CDH18: variants seen among roughly 807,000 people sequenced by gnomAD.
CDH18 encodes the protein cadherin-18.
A neutral mutation model predicts 67.9 loss-of-function variants in CDH18; 31 were observed. That is an observed-to-expected ratio of 0.46 (90% confidence interval 0.34 to 0.62). The LOEUF is 0.62. CDH18 is among the 20% of genes least tolerant of loss of function. CDH18 has a pLI of 0.01. For missense variants in CDH18, 890 were observed against 975.5 expected (o/e 0.91, Z 1.17); for synonymous variants, 362 against 347.2 (o/e 1.04, Z -0.48).
At chr5:20,181,421 C>G (rs1380907159) in intron 2 of CDH18, among the ~76,000 whole-genome samples, 7 of 151,884 alleles carry the variant, frequency 4.6e-5, no homozygotes, top group Non-Finnish European at 1.0e-4. Flanking sequence ...GGGAGGAGAC[C>G]CTACTTAGAA....
intron 1 of CDH18, among the ~76,000 whole-genome samples, chr5:20,501,300 G>A (rs959445331): frequency 3.3e-5 from 5 of 150,506 alleles, no homozygotes; most frequent in African/African-American, 1.2e-4. Context: ...TAAATGGAAC[G>A]TTATTACACT....
At chr5:19,730,146 A>G (rs182618221) in intron 4 of CDH18, among the ~76,000 whole-genome samples, 164 of 152,262 alleles carry the variant, frequency 1.1e-3, no homozygotes, top group African/African-American at 3.7e-3. Flanking sequence ...GTGCTTAGGT[A>G]ATACTACTAC....
At chr5:20,006,584 T>A (rs1736920851) in intron 2 of CDH18, among the ~76,000 whole-genome samples, 1 of 151,960 alleles carries the variant, frequency 6.6e-6, no homozygotes, top group Non-Finnish European at 1.5e-5. Context: ...TTGCTTTTGA[T>A]TTTCCGGTTT....
At chr5:19,862,846 C>A (rs963285092) in intron 2 of CDH18, among the ~76,000 whole-genome samples, 2 of 151,618 alleles carry the variant, frequency 1.3e-5, no homozygotes, top group South Asian at 2.1e-4. Context: ...GATCAATAGA[C>A]GAGGAGACAC....
At chr5:19,805,810 T>C (rs1351839784) in intron 3 of CDH18, among the ~76,000 whole-genome samples, 1 of 152,210 alleles carries the variant, frequency 6.6e-6, no homozygotes, top group Non-Finnish European at 1.5e-5. Context: ...TCTACAATTG[T>C]CAAATTCCTG....
intron 2 of CDH18, among the ~76,000 whole-genome samples, chr5:20,027,085 A>G (rs1738972162): frequency 6.6e-6 from 1 of 152,280 alleles, no homozygotes; most frequent in South Asian, 2.1e-4. Flanking sequence ...TATGAAAATA[A>G]TACTAATTAC....
At chr5:19,555,219 C>T (rs1445634863) in intron 8 of CDH18, among the ~76,000 whole-genome samples, 1 of 152,146 alleles carries the variant, frequency 6.6e-6, no homozygotes, top group African/African-American at 2.4e-5. Flanking sequence ...ACACTGTGAA[C>T]TTTTGCTCCA....
At chr5:19,892,648 C>T (rs570474971) in intron 2 of CDH18, among the ~76,000 whole-genome samples, 15 of 152,092 alleles carry the variant, frequency 9.9e-5, no homozygotes, top group East Asian at 1.9e-4. Flanking sequence ...AAACTCTTCA[C>T]CTTGTGTTCT....
chr5:20,051,184 A>G (rs928872070), intron 2 of CDH18, among the ~76,000 whole-genome samples: 3 of 151,946 alleles, frequency 2.0e-5, no homozygotes, highest in African/African-American at 7.2e-5. Flanking sequence ...TTTGAAACTT[A>G]AAGCATAAAT....
chr5:20,435,044 A>G (rs1386545092), intron 1 of CDH18, among the ~76,000 whole-genome samples: 3 of 152,090 alleles, frequency 2.0e-5, no homozygotes, highest in East Asian at 3.9e-4. Context: ...TTAAACCAGC[A>G]CAAGTAAGTT....
intron 1 of CDH18, among the ~76,000 whole-genome samples, chr5:20,294,346 G>A (rs533688269): frequency 9.2e-5 from 14 of 152,252 alleles, no homozygotes; most frequent in African/African-American, 2.2e-4. Context: ...CTGTTAGCCC[G>A]TAACAGGAAA....
At chr5:19,883,431 T>C (rs1378491373) in intron 2 of CDH18, among the ~76,000 whole-genome samples, 3 of 134,502 alleles carry the variant, frequency 2.2e-5, no homozygotes, top group African/African-American at 8.4e-5. Flanking sequence ...CATTGATTGT[T>C]TACTACATCA....
intron 1 of CDH18, among the ~76,000 whole-genome samples, chr5:19,984,434 A>G (rs1326666491): frequency 1.3e-5 from 2 of 152,146 alleles, no homozygotes; most frequent in African/African-American, 2.4e-5. Context: ...TCATAATCTT[A>G]AATTACATAT....
intron 1 of CDH18, among the ~76,000 whole-genome samples, chr5:20,333,227 G>GGC (rs1290637698): frequency 2.3e-4 from 35 of 152,088 alleles, no homozygotes; most frequent in African/African-American, 8.4e-4. Flanking sequence ...TTTTTCATGT[G>GGC]GCCGGGCATG....
chr5:19,866,197 C>T (rs1311628101), intron 2 of CDH18, among the ~76,000 whole-genome samples: 2 of 152,162 alleles, frequency 1.3e-5, no homozygotes, highest in Non-Finnish European at 2.9e-5. Context: ...TGCCTTGAGG[C>T]GTTTCTATAA....
intron 2 of CDH18, among the ~76,000 whole-genome samples, chr5:20,238,503 G>A (rs759984156): frequency 2.0e-5 from 3 of 151,932 alleles, no homozygotes; most frequent in Non-Finnish European, 2.9e-5. Flanking sequence ...AAACTGCAAC[G>A]AGATACTTTT....
intron 11 of CDH18, among the ~76,000 whole-genome samples, chr5:19,498,259 T>TA (rs1742673326): frequency 6.6e-6 from 1 of 152,106 alleles, no homozygotes; most frequent in African/African-American, 2.4e-5. Flanking sequence ...GGCTGATTGG[T>TA]ATACAAACAC....
intron 5 of CDH18, among the ~76,000 whole-genome samples, chr5:19,618,411 G>A (rs536189816): frequency 2.0e-5 from 3 of 152,098 alleles, no homozygotes; most frequent in South Asian, 4.2e-4. Context: ...TCACCATGTT[G>A]GCCAGGCTGG....
chr5:19,683,194 A>C (rs1014371044), intron 5 of CDH18, among the ~76,000 whole-genome samples: 1 of 152,098 alleles, frequency 6.6e-6, no homozygotes, highest in Non-Finnish European at 1.5e-5. Flanking sequence ...ATAGGAAACA[A>C]AGCCTAATCT....
Sources: allele counts gnomAD v4.1 joint callset (sites outside exome capture counted in the v4.1 genomes callset), GRCh38; gene constraint gnomAD v4.1.1; transcripts MANE v1.5; gene names NCBI Gene and HGNC (gene_info 2026-07-23, HGNC 2026-07-21).